The following FERRY3 variants were observed in gnomAD, a reference collection of about 807,000 sequenced individuals.
The protein encoded by FERRY3 is protein C12orf4.
At chr12:4,507,571 A>T in the FERRY3 span, among the ~76,000 whole-genome samples, 1 of 152,208 alleles carries the variant, frequency 6.6e-6, no homozygotes, top group African/African-American at 2.4e-5. Flanking sequence ...GCTCACACAC[A>T]TGCACAATTA....
At chr12:4,530,461 A>G in the FERRY3 span, among the ~76,000 whole-genome samples, 8 of 152,224 alleles carry the variant, frequency 5.3e-5, no homozygotes, top group Non-Finnish European at 1.0e-4. Flanking sequence ...AACATACTGT[A>G]TGGTAAAATA....
chr12:4,500,101 T>C, the FERRY3 span: 3 of 1,533,304 alleles, frequency 2.0e-6, no homozygotes, highest in African/African-American at 2.7e-5. Flanking sequence ...TATGATTATG[T>C]AAATCATAAA....
At chr12:4,531,499 T>C in the FERRY3 span, among the ~76,000 whole-genome samples, 1 of 152,216 alleles carries the variant, frequency 6.6e-6, no homozygotes, top group Admixed American at 6.5e-5. Flanking sequence ...AGAAGATACC[T>C]ACGTGAGAAG....
At chr12:4,512,508 C>T in the FERRY3 span, among the ~76,000 whole-genome samples, 256 of 151,844 alleles carry the variant, frequency 1.7e-3, no homozygotes, top group East Asian at 0.012. Context: ...ACTGGCAAAA[C>T]GAATCCAGCA....
the FERRY3 span, among the ~76,000 whole-genome samples, chr12:4,491,582 A>G: frequency 6.6e-6 from 1 of 152,224 alleles, no homozygotes; most frequent in Non-Finnish European, 1.5e-5. Context: ...GTATATTTGC[A>G]TAAGCAATAA....
the FERRY3 span, among the ~76,000 whole-genome samples, chr12:4,521,519 C>T: frequency 6.6e-6 from 1 of 152,064 alleles, no homozygotes; most frequent in African/African-American, 2.4e-5. Context: ...AAACTATAAC[C>T]AACATGTTAA....
the FERRY3 span, chr12:4,525,429 A>G: frequency 1.2e-6 from 2 of 1,600,550 alleles, no homozygotes; most frequent in South Asian, 2.3e-5. Context: ...ACAAACAAAC[A>G]AAAAAACAAA....
chr12:4,514,547 A>G, the FERRY3 span, among the ~76,000 whole-genome samples: 2 of 152,060 alleles, frequency 1.3e-5, no homozygotes, highest in African/African-American at 4.8e-5. Context: ...CATATACACC[A>G]TGGAATACTA....
chr12:4,523,723 A>G, the FERRY3 span, among the ~76,000 whole-genome samples: 1 of 152,174 alleles, frequency 6.6e-6, no homozygotes, highest in African/African-American at 2.4e-5. Context: ...AAAACCAAAC[A>G]CCGCATGTTC....
the FERRY3 span, chr12:4,490,436 G>A: frequency 9.3e-7 from 1 of 1,079,630 alleles, no homozygotes; most frequent in Non-Finnish European, 1.3e-6. Flanking sequence ...TTGTTTTTGG[G>A]ATTTTAGGGC....
At chr12:4,489,903 T>A in the FERRY3 span, 2 of 1,558,966 alleles carry the variant, frequency 1.3e-6, no homozygotes, top group Non-Finnish European at 1.8e-6. Context: ...AAATACTCTG[T>A]AAGACGAAAA....
At chr12:4,526,221 G>A in the FERRY3 span, among the ~76,000 whole-genome samples, 2 of 152,190 alleles carry the variant, frequency 1.3e-5, no homozygotes, top group Non-Finnish European at 2.9e-5. Flanking sequence ...ATGAGGGAAA[G>A]GGTAAAGGAC....
the FERRY3 span, among the ~76,000 whole-genome samples, chr12:4,528,809 T>G: frequency 6.6e-6 from 1 of 151,796 alleles, no homozygotes; most frequent in East Asian, 1.9e-4. Context: ...TTGCTAGCCT[T>G]ACTGTATTCT....
the FERRY3 span, among the ~76,000 whole-genome samples, chr12:4,508,386 A>C: frequency 6.6e-6 from 1 of 152,364 alleles, no homozygotes; most frequent in Middle Eastern, 3.4e-3. Context: ...AGGTACAAAC[A>C]GCCCCAATTT....
At chr12:4,532,363 CTT>C in the FERRY3 span, among the ~76,000 whole-genome samples, 1 of 152,162 alleles carries the variant, frequency 6.6e-6, no homozygotes, top group Non-Finnish European at 1.5e-5. Flanking sequence ...TCCAGCAAGC[CTT>C]TGTTTCCTTG....
At chr12:4,523,999 A>AT in the FERRY3 span, among the ~76,000 whole-genome samples, 1 of 152,122 alleles carries the variant, frequency 6.6e-6, no homozygotes, top group Non-Finnish European at 1.5e-5. Flanking sequence ...TAAAGATTGA[A>AT]TTTCTGAAAC....
the FERRY3 span, among the ~76,000 whole-genome samples, chr12:4,521,039 T>C: frequency 6.6e-6 from 1 of 152,076 alleles, no homozygotes; most frequent in African/African-American, 2.4e-5. Flanking sequence ...ATACCCACAA[T>C]ATCCAGTAAT....
chr12:4,510,668 T>C, the FERRY3 span, among the ~76,000 whole-genome samples: 1 of 150,620 alleles, frequency 6.6e-6, no homozygotes, highest in Non-Finnish European at 1.5e-5. Context: ...GAAGGAGAAA[T>C]AAAATACTTT....
the FERRY3 span, among the ~76,000 whole-genome samples, chr12:4,515,629 G>A: frequency 6.6e-6 from 1 of 152,086 alleles, no homozygotes; most frequent in African/African-American, 2.4e-5. Context: ...TGATAGAGTA[G>A]AAGGTGCTTA....
Sources: gnomAD v4.1 joint callset for allele counts (sites outside exome capture counted in the v4.1 genomes callset) on GRCh38, gnomAD v4.1.1 for gene constraint, MANE v1.5 for transcripts, NCBI Gene and HGNC (gene_info 2026-07-23, HGNC 2026-07-21) for gene names.